The following IL1A variants were observed in gnomAD, a reference collection of about 807,000 sequenced individuals.
IL1A encodes interleukin-1 alpha.
IL1A carries 16 observed loss-of-function variants against 22.2 expected under a neutral mutation model. The ratio of observed to expected loss-of-function variants is 0.72; its 90% CI spans 0.49 to 1.09. The LOEUF is 1.09. Ranked by LOEUF, IL1A falls within the 50% of genes least tolerant of loss-of-function variation. The pLI is 0.00. For synonymous variants in IL1A, 113 were observed against 118.5 expected, an observed-to-expected ratio of 0.95 and a Z score of 0.30; for missense variants, 317 against 321.8, an observed-to-expected ratio of 0.99 and a Z score of 0.11.
intron 1 of IL1A, among the ~76,000 whole-genome samples, 160 bp from the exon 2 acceptor site, chr2:112,783,938 T>TA (rs1429415352): frequency 6.6e-6 from 1 of 152,286 alleles, no homozygotes; most frequent in African/African-American, 2.4e-5. Flanking sequence ...ATTAGTTTGC[T>TA]ATGTACCTGT....
At chr2:112,780,710 A>G (rs1044390007) in intron 4 of IL1A, among the ~76,000 whole-genome samples, 20 of 146,888 alleles carry the variant, frequency 1.4e-4, no homozygotes, top group Non-Finnish European at 4.5e-5. Context: ...TATTGCTGGT[A>G]GTATTCATAT....
Position 112,774,944 on chromosome 2 carries a change from T to TTAGAATTACAA in IL1A, c.*112_*122dup. The stretch of plus-strand genomic sequence containing the variant: ...TCTTACAAAGAGTGTAAACATTCAT[T>TTAGAATTACAA]TAGAATTACAAGGCTCAGTACATGC... On this transcript the variant is annotated 3_prime_UTR_variant, in exon 7 of 7. Transcript: ENST00000263339. 1 of 699,336 alleles carries TTAGAATTACAA rather than the reference T, an allele frequency of 1.4e-6. No individual in the cohort carries two copies. The allele number at this position is 699,336 out of a possible 1,614,324, so 43.3% of individuals were successfully genotyped here. A position where few individuals can be genotyped will look rare whatever the true frequency, so the allele number is the denominator to read the frequency against.
rs1681199724 is a variant in IL1A, at chr2:112,781,529, AT to A, written c.319+74del. The A allele has an allele frequency of 5.2e-6, 6 of 1,158,360 alleles. No individual in the cohort carries two copies. In the African/African-American group the frequency reaches 9.1e-5, roughly 18 times the overall value. The allele number at this position is 1,158,360 out of a possible 1,614,324, so 71.8% of individuals were successfully genotyped here. A position where few individuals can be genotyped will look rare whatever the true frequency, so the allele number is the denominator to read the frequency against. On this transcript the variant is annotated intron_variant, in intron 4 of 6. Transcript: ENST00000263339. ...TCTTGTTATTCTGACTCCACGTTTA[AT>A]TTTCCCCTAAATTCTACTGTCCCTA...
Position 112,774,799 on chromosome 2 carries a change from TAGTC to T in IL1A, c.*264_*267del, listed in dbSNP as rs1681071337. 3.2e-6 allele frequency: 1 copy of T among 316,510 alleles called. No individual in the cohort carries two copies. Among genetic ancestry groups the T allele is most frequent in the Admixed American group, 4.3e-5 (1 of 23,164 alleles). 19.6% of individuals were successfully genotyped at this position (316,510 alleles called of 1,614,324 possible). ...ATGGGTAGAGTCTTTTTGGTAGCCA[TAGTC>T]AGTAGCTCTGGTCCTCCTAAAATTG... On this transcript the variant is annotated 3_prime_UTR_variant, in exon 7 of 7. Coordinates refer to ENST00000263339, the MANE Select transcript of IL1A (RefSeq NM_000575.5).
At chr2:112,779,142 C>T (rs1445541998) in intron 5 of IL1A, among the ~76,000 whole-genome samples, 1 of 152,170 alleles carries the variant, frequency 6.6e-6, no homozygotes, top group Non-Finnish European at 1.5e-5. Context: ...TCATTGGCTT[C>T]TGGGTAAATC....
At chr2:112,779,238 A>C (rs897029503) in intron 5 of IL1A, among the ~76,000 whole-genome samples, 2 of 152,074 alleles carry the variant, frequency 1.3e-5, no homozygotes, top group East Asian at 3.8e-4. Flanking sequence ...GAGGTAGTAC[A>C]TCAGCTAGCT....
intron 5 of IL1A, 51 bp downstream of exon 5, chr2:112,779,445 A>T: frequency 1.4e-6 from 2 of 1,380,722 alleles, no homozygotes; most frequent in Non-Finnish European, 1.0e-6. Flanking sequence ...ATAAATAAGT[A>T]AATGAAAGGA....
At chr2:112,779,898 T>G (rs1175043109) in intron 4 of IL1A, among the ~76,000 whole-genome samples, 3 of 152,248 alleles carry the variant, frequency 2.0e-5, no homozygotes, top group African/African-American at 7.2e-5. Flanking sequence ...GGCAATAGTT[T>G]CATTGTTTTT....
Position 112,781,701 on chromosome 2 carries a change from T to C in IL1A, c.222A>G (p.Val74=). 6.2e-7 allele frequency: 1 copy of C among 1,614,194 alleles called. No homozygotes were observed. The highest frequency in any genetic ancestry group is 8.5e-7 in the Non-Finnish European group (1 of 1,180,004). ...TCTTCAGAACCTTCCCGTTGGTTGCTACTACCACCATGCTCTCCTTGAAGG... is the reference window on the plus strand; with the variant it reads ...TCTTCAGAACCTTCCCGTTGGTTGCCACTACCACCATGCTCTCCTTGAAGG... ...KLTFKESMVV[V]ATNGKVLKKR... The change falls in exon 4 of 7, where the codon GTA becomes GTG. Residue 74 remains valine (V), a synonymous_variant. Transcript: ENST00000263339.
At chr2:112,779,970 G>A (rs1177612021) in intron 4 of IL1A, among the ~76,000 whole-genome samples, 1 of 152,096 alleles carries the variant, frequency 6.6e-6, no homozygotes, top group African/African-American at 2.4e-5. Flanking sequence ...TGACAAGGAA[G>A]ACTACCAGTA....
chr2:112,782,376 G>A (rs1681225192), intron 3 of IL1A, among the ~76,000 whole-genome samples: 1 of 152,200 alleles, frequency 6.6e-6, no homozygotes, highest in Non-Finnish European at 1.5e-5. Context: ...TGTCAGAGAA[G>A]ACAACCACAA....
intron 6 of IL1A, among the ~76,000 whole-genome samples, chr2:112,776,352 G>C (rs893847968): frequency 6.6e-6 from 1 of 152,120 alleles, no homozygotes; most frequent in South Asian, 2.1e-4. Flanking sequence ...TTCCAAGAAT[G>C]CTTCTTCTGA....
In IL1A at chr2:112,779,569, G is replaced by A; in HGVS notation, c.417C>T (p.Ala139=). 1 of 1,611,628 alleles carries A rather than the reference G, an allele frequency of 6.2e-7. No homozygotes were observed. The highest frequency in any genetic ancestry group is 1.1e-5 in the South Asian group (1 of 90,914). Residue 139 remains alanine, a synonymous_variant, in exon 5 of 7, where the codon GCC becomes GCT. Coordinates refer to ENST00000263339, the MANE Select transcript of IL1A (RefSeq NM_000575.5). ...IIKYEFILND[A]LNQSIIRAND... ...TGGCTCGAATTATACTTTGATTGAG[G>A]GCGTCATTCAGGATGAATTCGTATT...
At position 112,781,746 on chromosome 2, in the gene IL1A, G is replaced by A; in HGVS notation, c.177C>T (p.Thr59=). 1.2e-6 allele frequency: 2 copies of A among 1,614,104 alleles called. No homozygotes were observed. The highest frequency in any genetic ancestry group is 1.7e-6 in the Non-Finnish European group (2 of 1,179,964). ...DQSVSLSISE[T]SKTSKLTFKE... ...TGAAGGTAAGCTTGGATGTTTTAGA[G>A]GTTTCAGAGATACTCAGAGACACAG... The change falls in exon 4 of 7, where the codon ACC becomes ACT. Residue 59 remains threonine, a synonymous_variant. Transcript: ENST00000263339.
chr2:112,784,125 T>C (rs1232541516), intron 1 of IL1A, among the ~76,000 whole-genome samples: 2 of 152,176 alleles, frequency 1.3e-5, no homozygotes, highest in East Asian at 1.9e-4. Context: ...AGAGACAGAG[T>C]TGGAAATTTT....
chr2:112,774,874 G>A lies in IL1A; in HGVS notation c.*193C>T. ...AATGATTGGTACTATGCAAAATATA[G>A]GGTGTTCTTTAAATAACAACATTAT... is the stretch of plus-strand genomic sequence containing the variant. On this transcript the variant is annotated 3_prime_UTR_variant, in exon 7 of 7. Transcript: ENST00000263339. 1 of 559,234 alleles carries A rather than the reference G, an allele frequency of 1.8e-6. No homozygotes were observed. The highest frequency in any genetic ancestry group is 3.0e-5 in the East Asian group (1 of 33,638). The allele number at this position is 559,234 out of a possible 1,614,324, so 34.6% of individuals were successfully genotyped here. A position where few individuals can be genotyped will look rare whatever the true frequency, so the allele number is the denominator to read the frequency against.
intron 6 of IL1A, among the ~76,000 whole-genome samples, chr2:112,777,002 C>T (rs919486329): frequency 6.6e-6 from 1 of 151,986 alleles, no homozygotes; most frequent in East Asian, 1.9e-4. Context: ...ACAACCATGA[C>T]CCGCCCCCTC....
At chr2:112,775,451 G>A (rs1378136797) in intron 6 of IL1A, among the ~76,000 whole-genome samples, 184 bp from the exon 7 acceptor site, 4 of 152,166 alleles carry the variant, frequency 2.6e-5, no homozygotes, top group Admixed American at 1.3e-4. Context: ...TAGTAGATGT[G>A]TGGCCCAGTC....
chr2:112,782,765 C>G lies in IL1A; in HGVS notation c.48-1G>C. 1 of 1,603,380 alleles carries G rather than the reference C, an allele frequency of 6.2e-7. No homozygotes were observed. The highest frequency in any genetic ancestry group is 8.5e-7 in the Non-Finnish European group (1 of 1,170,396). On this transcript the variant is annotated splice_acceptor_variant, in intron 2 of 6. Transcript: ENST00000263339. LOFTEE classifies it high-confidence loss of function. The stretch of plus-strand genomic sequence containing the variant: ...GGAGGAACTGTCTTCTTCATTTTCA[C>G]TGTCAAAATAAGATGATGAGAATGT...
Sources: allele counts gnomAD v4.1 joint callset (sites outside exome capture counted in the v4.1 genomes callset), GRCh38; gene constraint gnomAD v4.1.1; transcripts MANE v1.5; gene names NCBI Gene and HGNC (gene_info 2026-07-23, HGNC 2026-07-21).